GRB14: variants seen among roughly 807,000 people sequenced by gnomAD.
GRB14 encodes the protein growth factor receptor-bound protein 14.
Under a neutral mutation model 69.1 loss-of-function variants are expected in GRB14, and 38 were observed. The observed-to-expected ratio is 0.55, with a 90% CI of 0.42 to 0.72. GRB14 has a LOEUF of 0.72. GRB14 is among the 30% of genes least tolerant of loss of function. GRB14 has a pLI of 0.00. For synonymous variants in GRB14, 247 were observed against 241.3 expected (o/e 1.02, Z -0.22); for missense variants, 666 against 666.1 (o/e 1.00, Z 0.00).
chr2:164,515,803 G>GGAGA (rs1687468414), intron 6 of GRB14, among the ~76,000 whole-genome samples: 1 of 137,876 alleles, frequency 7.3e-6, no homozygotes. Flanking sequence ...AACTTAGTGA[G>GGAGA]AAAAAAAAAA....
chr2:164,543,853 T>C (rs1445932620), intron 3 of GRB14, among the ~76,000 whole-genome samples: 1 of 152,212 alleles, frequency 6.6e-6, no homozygotes, highest in Non-Finnish European at 1.5e-5. Flanking sequence ...AAAAACATTT[T>C]AAAGACAAAA....
chr2:164,543,529 G>C (rs1053336732), intron 3 of GRB14, among the ~76,000 whole-genome samples: 6 of 152,054 alleles, frequency 3.9e-5, no homozygotes, highest in African/African-American at 1.4e-4. Context: ...TGGACAAAAA[G>C]AGTGCAAGAA....
chr2:164,510,686 C>A (rs979499215), intron 6 of GRB14, among the ~76,000 whole-genome samples: 43 of 152,074 alleles, frequency 2.8e-4, no homozygotes, highest in African/African-American at 9.9e-4. Context: ...TTCTAAGAAC[C>A]AAAATCAGAT....
intron 2 of GRB14, among the ~76,000 whole-genome samples, chr2:164,571,261 A>G (rs1346646726): frequency 6.6e-6 from 1 of 151,516 alleles, no homozygotes; most frequent in East Asian, 1.9e-4. Context: ...AATTTTCTTC[A>G]GTTGCAAAAA....
At chr2:164,538,217 A>G (rs533985269) in intron 3 of GRB14, among the ~76,000 whole-genome samples, 25 of 152,318 alleles carry the variant, frequency 1.6e-4, no homozygotes, top group Middle Eastern at 6.8e-3. Context: ...CCTAGCAATG[A>G]TACTAAAATA....
intron 2 of GRB14, among the ~76,000 whole-genome samples, chr2:164,593,015 C>T (rs1689704190): frequency 6.6e-6 from 1 of 152,200 alleles, no homozygotes; most frequent in Non-Finnish European, 1.5e-5. Flanking sequence ...ATACAAATTA[C>T]TTTATGTTAC....
intron 2 of GRB14, among the ~76,000 whole-genome samples, chr2:164,615,097 C>T (rs913525162): frequency 6.6e-5 from 10 of 152,212 alleles, no homozygotes; most frequent in African/African-American, 1.9e-4. Context: ...TCTTTTTGAT[C>T]TCCCTTTATT....
Position 164,492,975 on chromosome 2 carries a change from C to A in GRB14, c.*61G>T. On this transcript the variant is annotated 3_prime_UTR_variant, in exon 14 of 14. Coordinates refer to ENST00000263915, the MANE Select transcript of GRB14 (RefSeq NM_004490.3). ...TAATGTTTTCGCCCTTATTTATGGT[C>A]TTTTATTATTTTTCTTGAGTCCTTT... is the stretch of plus-strand genomic sequence containing the variant. The A allele has an allele frequency of 1.4e-6, 2 of 1,477,342 alleles. No homozygotes were observed. The highest frequency in any genetic ancestry group is 1.3e-5 in the South Asian group (1 of 76,262). 91.5% of individuals were successfully genotyped at this position (1,477,342 alleles called of 1,614,324 possible). A position where few individuals can be genotyped will look rare whatever the true frequency, so the allele number is the denominator to read the frequency against.
chr2:164,557,260 G>A (rs917281024), intron 2 of GRB14, among the ~76,000 whole-genome samples: 27 of 152,150 alleles, frequency 1.8e-4, no homozygotes, highest in African/African-American at 6.5e-4. Context: ...AGTAAGCATG[G>A]GTGCCAGGCA....
At chr2:164,578,930 A>C (rs1017618990) in intron 2 of GRB14, among the ~76,000 whole-genome samples, 1 of 152,230 alleles carries the variant, frequency 6.6e-6, no homozygotes, top group African/African-American at 2.4e-5. Context: ...AAATGGTCAC[A>C]TATGAATAAA....
chr2:164,524,448 G>C (rs965462649), intron 5 of GRB14, among the ~76,000 whole-genome samples: 7 of 152,020 alleles, frequency 4.6e-5, no homozygotes, highest in Non-Finnish European at 8.8e-5. Flanking sequence ...CAAAAATAAG[G>C]AGATTTTTAA....
chr2:164,582,928 T>C (rs901692121), intron 2 of GRB14, among the ~76,000 whole-genome samples: 7 of 152,122 alleles, frequency 4.6e-5, no homozygotes, highest in Non-Finnish European at 8.8e-5. Context: ...TTATGCCCTC[T>C]CCCTTCCCCA....
intron 3 of GRB14, among the ~76,000 whole-genome samples, chr2:164,529,097 A>T (rs1052635141): frequency 3.3e-5 from 5 of 152,216 alleles, no homozygotes; most frequent in African/African-American, 1.2e-4. Context: ...TGTAATTCTG[A>T]CACATGCTAC....
At position 164,525,037 on chromosome 2, in the gene GRB14, G is replaced by T; in HGVS notation, c.645C>A (p.Thr215=). Residue 215 remains threonine, a synonymous_variant, in exon 5 of 14, where the codon ACC becomes ACA. Coordinates refer to ENST00000263915, the MANE Select transcript of GRB14 (RefSeq NM_004490.3). The part of the protein sequence containing the change: ...PEHMVSFATE[T]NGEISPTQIL... ...TCTGTGTGGGGGATATTTCACCATT[G>T]GTTTCAGTTGCAAAAGATACCATAT... The T allele has an allele frequency of 6.3e-7, 1 of 1,591,868 alleles. No individual in the cohort carries two copies. Among genetic ancestry groups the T allele is most frequent in the Non-Finnish European group, 8.6e-7 (1 of 1,166,524 alleles).
intron 6 of GRB14, among the ~76,000 whole-genome samples, chr2:164,516,624 C>T (rs1043967287): frequency 6.6e-6 from 1 of 152,106 alleles, no homozygotes; most frequent in Non-Finnish European, 1.5e-5. Context: ...TTGTATCCAG[C>T]GAAACTAAGC....
chr2:164,555,484 A>G (rs1490026625), intron 2 of GRB14, among the ~76,000 whole-genome samples: 4 of 152,116 alleles, frequency 2.6e-5, no homozygotes, highest in Non-Finnish European at 4.4e-5. Context: ...AAAAAGAGCA[A>G]AAGTGAAAGA....
chr2:164,502,617 C>G (rs1194864126), intron 8 of GRB14, among the ~76,000 whole-genome samples: 7 of 151,618 alleles, frequency 4.6e-5, no homozygotes, highest in Non-Finnish European at 1.5e-5. Flanking sequence ...CCAAATTGTA[C>G]CACAACTATC....
chr2:164,589,603 G>C (rs1689613481), intron 2 of GRB14, among the ~76,000 whole-genome samples: 1 of 151,988 alleles, frequency 6.6e-6, no homozygotes, highest in African/African-American at 2.4e-5. Context: ...AGAGCTCATG[G>C]AGAGACAACT....
At chr2:164,496,013 TCTA>T (rs1686884194) in intron 12 of GRB14, among the ~76,000 whole-genome samples, 2 of 152,244 alleles carry the variant, frequency 1.3e-5, no homozygotes, top group Non-Finnish European at 2.9e-5. Flanking sequence ...AGATTGTAAT[TCTA>T]CTGATTGTTC....
Sources: gnomAD v4.1 joint callset for allele counts (sites outside exome capture counted in the v4.1 genomes callset) on GRCh38, gnomAD v4.1.1 for gene constraint, MANE v1.5 for transcripts, NCBI Gene and HGNC (gene_info 2026-07-23, HGNC 2026-07-21) for gene names.